SPECC1: variants seen among roughly 807,000 people sequenced by gnomAD.
The protein encoded by SPECC1 is cytospin-B.
Under a neutral mutation model 104.1 loss-of-function variants are expected in SPECC1, and 62 were observed. The ratio of observed to expected loss-of-function variants is 0.60; its 90% CI spans 0.49 to 0.74. The LOEUF (loss-of-function observed/expected upper bound fraction) is 0.74. Among genes scored for constraint, SPECC1 ranks in the 30% least tolerant of loss-of-function variants. The pLI is 0.00. For missense variants in SPECC1, 1,306 were observed against 1,310.5 expected, an observed-to-expected ratio of 1.00 and a Z score of 0.05; for synonymous variants, 513 against 501.6, an observed-to-expected ratio of 1.02 and a Z score of -0.30.
intron 3 of SPECC1, among the ~76,000 whole-genome samples, chr17:20,196,694 T>C (rs1286130876): frequency 6.7e-6 from 1 of 150,008 alleles, no homozygotes; most frequent in African/African-American, 2.5e-5. Flanking sequence ...AATCTTTCTT[T>C]ATAATCATCT....
intron 9 of SPECC1, among the ~76,000 whole-genome samples, chr17:20,248,095 A>G (rs1465847169): frequency 2.6e-5 from 4 of 152,170 alleles, no homozygotes; most frequent in Admixed American, 6.5e-5. Context: ...CCAGAAAAGC[A>G]CACTCTGTGC....
intron 4 of SPECC1, among the ~76,000 whole-genome samples, chr17:20,210,487 C>G (rs1191156521): frequency 2.0e-5 from 3 of 152,226 alleles, no homozygotes; most frequent in Non-Finnish European, 2.9e-5. Context: ...ACCTGGACAT[C>G]TGGGTCCTAT....
At chr17:20,202,449 A>G (rs914661284) in intron 3 of SPECC1, among the ~76,000 whole-genome samples, 4 of 152,172 alleles carry the variant, frequency 2.6e-5, no homozygotes, top group African/African-American at 9.7e-5. Flanking sequence ...AGAAGCCAAT[A>G]AAACCCCTGA....
chr17:20,055,488 GA>G (rs774619187), intron 1 of SPECC1, among the ~76,000 whole-genome samples: 14 of 152,212 alleles, frequency 9.2e-5, no homozygotes, highest in Non-Finnish European at 1.5e-4. Flanking sequence ...GCTGTCTTTT[GA>G]TTTTTTGGTA....
chr17:20,235,777 T>C (rs2158473), intron 7 of SPECC1, among the ~76,000 whole-genome samples: 107,850 of 152,240 alleles, frequency 0.71, 40,011 homozygotes, highest in East Asian at 0.99. Context: ...ACACACTTAA[T>C]ATCTGTGCCT....
chr17:20,112,460 A>G (rs543256541), intron 3 of SPECC1: 29 of 766,748 alleles, frequency 3.8e-5, no homozygotes, highest in Non-Finnish European at 3.9e-5. Context: ...GGCAACTTCA[A>G]TCAAGTCAGA....
intron 1 of SPECC1, among the ~76,000 whole-genome samples, chr17:20,042,507 G>A (rs1157782922): frequency 2.0e-5 from 3 of 152,094 alleles, no homozygotes; most frequent in South Asian, 4.1e-4. Flanking sequence ...CACTGCTGGC[G>A]GGTGAGGGAT....
intron 3 of SPECC1, among the ~76,000 whole-genome samples, chr17:20,201,859 A>C (rs555750616): frequency 2.0e-5 from 3 of 152,366 alleles, no homozygotes; most frequent in Non-Finnish European, 4.4e-5. Context: ...AGACTTAAAA[A>C]AAATAAATAC....
At position 20,096,893 on chromosome 17, in the gene SPECC1, G is replaced by A; in HGVS notation, c.147+95G>A. On this transcript the variant is annotated intron_variant, in intron 2 of 14. Coordinates refer to ENST00000395527, the MANE Select transcript of SPECC1 (RefSeq NM_001243439.2). ...AGTAAGCAAACCAGTGGCCTCTCGG[G>A]GCAGGGAAGGAGGCTCCCAAGGAGG... 5.4e-6 allele frequency: 8 copies of A among 1,468,694 alleles called. No homozygotes were observed. The South Asian group carries it at 1.1e-4, about 19-fold the overall frequency. 91.0% of individuals were successfully genotyped at this position (1,468,694 alleles called of 1,614,324 possible). A position where few individuals can be genotyped will look rare whatever the true frequency, so the allele number is the denominator to read the frequency against.
intron 1 of SPECC1, among the ~76,000 whole-genome samples, chr17:20,038,622 G>A (rs776138199): frequency 6.6e-6 from 1 of 152,000 alleles, no homozygotes; most frequent in East Asian, 1.9e-4. Flanking sequence ...GGCTGGTCTC[G>A]AACTCCTGAT....
At chr17:20,194,501 A>ATTTT (rs1567923485) in intron 3 of SPECC1, among the ~76,000 whole-genome samples, 1 of 68,130 alleles carries the variant, frequency 1.5e-5, no homozygotes, top group East Asian at 1.2e-3. Context: ...AAAGAGAACG[A>ATTTT]ATTTTTTTTT....
chr17:20,213,977 A>G (rs1251873057), intron 4 of SPECC1, among the ~76,000 whole-genome samples: 1 of 152,172 alleles, frequency 6.6e-6, no homozygotes, highest in Non-Finnish European at 1.5e-5. Flanking sequence ...AACCATCACT[A>G]CAATCAATTT....
intron 3 of SPECC1, among the ~76,000 whole-genome samples, chr17:20,192,477 A>G (rs1027080738): frequency 9.2e-5 from 14 of 152,120 alleles, no homozygotes; most frequent in Middle Eastern, 3.4e-3. Flanking sequence ...ACCCTCTCCT[A>G]GTGTCATAAT....
chr17:20,208,567 G>A (rs1447936678), intron 4 of SPECC1, among the ~76,000 whole-genome samples: 1 of 152,180 alleles, frequency 6.6e-6, no homozygotes, highest in Non-Finnish European at 1.5e-5. Flanking sequence ...CTATGATGAA[G>A]GGTCTAACAT....
At chr17:20,136,116 G>A (rs2029930625) in intron 3 of SPECC1, among the ~76,000 whole-genome samples, 2 of 152,064 alleles carry the variant, frequency 1.3e-5, no homozygotes, top group Non-Finnish European at 2.9e-5. Context: ...GGATCACTAT[G>A]TCTCCTTGCA....
rs2042033930 is a variant in SPECC1 at position 20,315,828 on chromosome 17, G to T, written c.*1763G>T. 2 of 232,940 alleles carry T rather than the reference G, an allele frequency of 8.6e-6. No individual in the cohort carries two copies. The highest frequency in any genetic ancestry group is 1.8e-4 in the South Asian group (1 of 5,534). The allele number at this position is 232,940 out of a possible 1,614,324, so 14.4% of individuals were successfully genotyped here. A position where few individuals can be genotyped will look rare whatever the true frequency, so the allele number is the denominator to read the frequency against. The stretch of plus-strand genomic sequence containing the variant: ...TCCGCCCCCCTGTTAGTGCATCCCA[G>T]CTGCAGCTCTGCATCAGAACCTACA... On this transcript the variant is annotated 3_prime_UTR_variant, in exon 15 of 15. Transcript: ENST00000395527.
chr17:20,046,855 C>T (rs998701012), intron 1 of SPECC1, among the ~76,000 whole-genome samples: 1 of 138,060 alleles, frequency 7.2e-6, no homozygotes, highest in South Asian at 2.4e-4. Context: ...CACAAGGATC[C>T]GGAGGGCACG....
At chr17:20,197,942 T>C (rs1290508394) in intron 3 of SPECC1, among the ~76,000 whole-genome samples, 1 of 152,174 alleles carries the variant, frequency 6.6e-6, no homozygotes, top group Non-Finnish European at 1.5e-5. Context: ...TTTCCCCCCA[T>C]TCATTCAACT....
At chr17:20,153,084 AG>A (rs1480992811) in intron 3 of SPECC1, among the ~76,000 whole-genome samples, 1 of 152,200 alleles carries the variant, frequency 6.6e-6, no homozygotes, top group Non-Finnish European at 1.5e-5. Flanking sequence ...TGTGGGGGGT[AG>A]GGCTTCAACA....
Sources: allele counts gnomAD v4.1 joint callset (sites outside exome capture counted in the v4.1 genomes callset), GRCh38; gene constraint gnomAD v4.1.1; transcripts MANE v1.5; gene names NCBI Gene and HGNC (gene_info 2026-07-23, HGNC 2026-07-21).